The following DLC1 variants were observed in gnomAD, a reference collection of about 807,000 sequenced individuals.
The protein encoded by DLC1 is DLC1 Rho GTPase activating protein.
A neutral mutation model predicts 140.3 loss-of-function variants in DLC1; 54 were observed. The observed-to-expected ratio is 0.38, with a 90% confidence interval of 0.31 to 0.48. The LOEUF (loss-of-function observed/expected upper bound fraction) is 0.48, where lower values mean the gene tolerates loss of function less well. Ranked by LOEUF, DLC1 falls within the 20% of genes least tolerant of loss-of-function variation. The probability of loss-of-function intolerance (pLI) is 0.96; values close to 1 mark genes in which losing one functional copy is unlikely to be tolerated. For missense variants in DLC1, 2,536 were observed against 1,907.0 expected (o/e 1.33, Z -6.14); for synonymous variants, 986 against 728.1 (o/e 1.35, Z -5.70).
At chr8:13,453,030 T>C (rs548245290) in intron 2 of DLC1, among the ~76,000 whole-genome samples, 2 of 152,046 alleles carry the variant, frequency 1.3e-5, no homozygotes, top group South Asian at 4.2e-4. Flanking sequence ...CACTTTTTCC[T>C]CACAAAACCC....
At chr8:13,192,396 G>A (rs1436120743) in intron 5 of DLC1, among the ~76,000 whole-genome samples, 1 of 152,184 alleles carries the variant, frequency 6.6e-6, no homozygotes, top group Non-Finnish European at 1.5e-5. Flanking sequence ...CTTAGAACGA[G>A]AAAAGAAATC....
chr8:13,118,373 C>T (rs376896513), intron 5 of DLC1, among the ~76,000 whole-genome samples: 137 of 152,298 alleles, frequency 9.0e-4, no homozygotes, highest in African/African-American at 3.0e-3. Flanking sequence ...ACTCCCCAAA[C>T]AGCAGAGATC....
intron 5 of DLC1, among the ~76,000 whole-genome samples, chr8:13,271,343 T>A (rs1331428512): frequency 2.0e-5 from 3 of 152,186 alleles, no homozygotes; most frequent in Admixed American, 6.5e-5. Context: ...CAGAGAACAG[T>A]TCACAGGAGT....
At chr8:13,288,008 T>A (rs565101207) in intron 5 of DLC1, among the ~76,000 whole-genome samples, 2 of 152,288 alleles carry the variant, frequency 1.3e-5, no homozygotes, top group South Asian at 4.1e-4. Context: ...TTTATAAAGA[T>A]TGTGTCACTT....
chr8:13,292,141 A>T (rs771294559), intron 5 of DLC1, among the ~76,000 whole-genome samples: 13 of 152,094 alleles, frequency 8.5e-5, no homozygotes, highest in Non-Finnish European at 1.8e-4. Context: ...GTTGGCTTCC[A>T]TTATAAATGG....
At chr8:13,243,454 T>G (rs1829628207) in intron 5 of DLC1, among the ~76,000 whole-genome samples, 1 of 152,146 alleles carries the variant, frequency 6.6e-6, no homozygotes, top group Non-Finnish European at 1.5e-5. Flanking sequence ...CTGAGTCAAT[T>G]AAACCTCTTT....
intron 2 of DLC1, among the ~76,000 whole-genome samples, chr8:13,495,778 C>T (rs1291495191): frequency 6.6e-6 from 1 of 152,120 alleles, no homozygotes; most frequent in Admixed American, 6.6e-5. Flanking sequence ...TTATGGGCTT[C>T]AAGGAAGGAT....
chr8:13,095,104 C>T lies in DLC1; in HGVS notation c.3309G>A (p.Arg1103=). ...CTCTCACCTGATCCAAACAATGGTT[C>T]CGGAGGTATCGCATGGCCTGCTGGA... The part of the protein sequence containing the change: ...QSIQQAMRYL[R]NHCLDQVGLF... Residue 1103 remains arginine (R), a synonymous_variant, in exon 11 of 18, where the codon CGG becomes CGA. Coordinates refer to ENST00000276297, the MANE Select transcript of DLC1 (RefSeq NM_182643.3). 5 of 1,614,250 alleles carry T rather than the reference C, an allele frequency of 3.1e-6. No individual in the cohort carries two copies. The highest frequency in any genetic ancestry group is 4.2e-6 in the Non-Finnish European group (5 of 1,180,044).
At chr8:13,223,200 A>G (rs1828641521) in intron 5 of DLC1, among the ~76,000 whole-genome samples, 1 of 152,210 alleles carries the variant, frequency 6.6e-6, no homozygotes, top group African/African-American at 2.4e-5. Context: ...AATGCTACAT[A>G]TAAAAATCCT....
chr8:13,295,558 A>T (rs1009858488), intron 5 of DLC1, among the ~76,000 whole-genome samples: 1 of 152,208 alleles, frequency 6.6e-6, no homozygotes, highest in Non-Finnish European at 1.5e-5. Flanking sequence ...TCCTACTTTG[A>T]TAAAACACAT....
rs1198856044 is a variant in DLC1, at chr8:13,218,999, AATATAATT to A, written c.1348+86262_1348+86269del. ...GTATATAACTATATAATTATATACG[AATATAATT>A]ATATAATTATATACGTATATAATTA... is the stretch of plus-strand genomic sequence containing the variant. On this transcript the variant is annotated intron_variant, in intron 5 of 17. Coordinates refer to ENST00000276297, the MANE Select transcript of DLC1 (RefSeq NM_182643.3). Among the ~76,000 whole-genome samples the A allele has an allele frequency of 3.4e-5, 3 of 88,624 alleles. 1 individual carries two copies. The highest frequency in any genetic ancestry group is 6.2e-5 in the Non-Finnish European group (3 of 48,360). 58.1% of individuals were successfully genotyped at this position (88,624 alleles called of 152,430 possible). A position where few individuals can be genotyped will look rare whatever the true frequency, so the allele number is the denominator to read the frequency against.
intron 1 of DLC1, among the ~76,000 whole-genome samples, chr8:13,577,612 G>A (rs1465467233): frequency 6.6e-6 from 1 of 152,164 alleles, no homozygotes; most frequent in Non-Finnish European, 1.5e-5. Context: ...AACCTACATT[G>A]TATAGGGGAA....
chr8:13,596,969 T>C (rs1295723638), intron 1 of DLC1, among the ~76,000 whole-genome samples: 1 of 151,912 alleles, frequency 6.6e-6, no homozygotes, highest in African/African-American at 2.4e-5. Flanking sequence ...GCAGATACAC[T>C]CTTTTGTTTT....
At chr8:13,091,293 G>C in intron 14 of DLC1, 25 bp downstream of exon 14, 1 of 1,610,744 alleles carries the variant, frequency 6.2e-7, no homozygotes, top group South Asian at 1.1e-5. Flanking sequence ...CCTTAATAAA[G>C]GAGCCAAACT....
intron 4 of DLC1, among the ~76,000 whole-genome samples, chr8:13,351,803 C>G (rs183330028): frequency 7.9e-5 from 12 of 152,296 alleles, no homozygotes; most frequent in African/African-American, 2.9e-4. Context: ...ACACACTTCT[C>G]AAAAGAAATT....
chr8:13,567,395 G>A lies in DLC1; in HGVS notation c.-126+37142C>T, dbSNP rs577021237. ...ACCATGAAGATAAATTTGATTCATCGTAGAGGGGATTCTAAGAAGAAGACG... is the reference window on the plus strand; with the variant it reads ...ACCATGAAGATAAATTTGATTCATCATAGAGGGGATTCTAAGAAGAAGACG... On this transcript the variant is annotated intron_variant, in intron 1 of 1. Coordinates refer to the DLC1 transcript ENST00000631382. 24 of 1,551,710 alleles carry A rather than the reference G, an allele frequency of 1.5e-5. No homozygotes were observed. The highest frequency in any genetic ancestry group is 5.9e-5 in the Admixed American group (3 of 50,996).
At chr8:13,213,344 G>A (rs991447332) in intron 5 of DLC1, among the ~76,000 whole-genome samples, 1 of 151,874 alleles carries the variant, frequency 6.6e-6, no homozygotes, top group African/African-American at 2.4e-5. Flanking sequence ...TTATATCTTT[G>A]GAATATATAG....
At chr8:13,464,585 AC>A (rs1196653936) in intron 2 of DLC1, among the ~76,000 whole-genome samples, 1 of 150,562 alleles carries the variant, frequency 6.6e-6, no homozygotes, top group Non-Finnish European at 1.5e-5. Context: ...CTGTGAATCC[AC>A]CCCCCGCCAC....
At chr8:13,395,927 C>G (rs1252841520) in intron 3 of DLC1, among the ~76,000 whole-genome samples, 13 of 151,800 alleles carry the variant, frequency 8.6e-5, no homozygotes, top group Non-Finnish European at 2.9e-5. Flanking sequence ...CAAATTGGAT[C>G]AACATCAAGT....
Sources: allele counts gnomAD v4.1 joint callset (sites outside exome capture counted in the v4.1 genomes callset), GRCh38; gene constraint gnomAD v4.1.1; transcripts MANE v1.5; gene names NCBI Gene and HGNC (gene_info 2026-07-23, HGNC 2026-07-21).